The following RBFOX1 variants were observed in gnomAD, a reference collection of about 807,000 sequenced individuals.
RBFOX1 encodes RNA binding fox-1 homolog 1, also known as RNA binding protein fox-1 homolog 1.
In RBFOX1, 8 loss-of-function variants were observed where a neutral mutation model predicts 57.7. That is an observed-to-expected ratio of 0.14 (90% CI 0.08 to 0.25). The LOEUF (loss-of-function observed/expected upper bound fraction) is 0.25. RBFOX1 is among the 10% of genes least tolerant of loss of function. The pLI, the probability that RBFOX1 is intolerant of heterozygous loss-of-function variation, is 1.00. For missense variants in RBFOX1, 611 were observed against 548.5 expected (o/e 1.11, Z -1.14); for synonymous variants, 326 against 222.4 (o/e 1.47, Z -4.15).
intron 4 of RBFOX1, among the ~76,000 whole-genome samples, chr16:7,399,629 C>G (rs1307200354): frequency 1.3e-5 from 2 of 152,154 alleles, no homozygotes; most frequent in African/African-American, 2.4e-5. Context: ...CCATTTCTGC[C>G]TCCATCTTCA....
At chr16:7,487,192 G>C (rs891753931) in intron 4 of RBFOX1, among the ~76,000 whole-genome samples, 1 of 152,130 alleles carries the variant, frequency 6.6e-6, no homozygotes, top group African/African-American at 2.4e-5. Context: ...GAGCCACTGC[G>C]CCTTAACCAC....
chr16:6,493,458 C>T (rs1035713760), intron 2 of RBFOX1, among the ~76,000 whole-genome samples: 1 of 152,100 alleles, frequency 6.6e-6, no homozygotes, highest in Non-Finnish European at 1.5e-5. Flanking sequence ...TTGTCAGGGA[C>T]CGTAGGCTGC....
intron 4 of RBFOX1, among the ~76,000 whole-genome samples, chr16:7,427,840 G>C (rs943396890): frequency 6.6e-6 from 1 of 151,980 alleles, no homozygotes; most frequent in African/African-American, 2.4e-5. Context: ...TTTTAGTAGA[G>C]ATGGGGTTTG....
At chr16:5,612,154 C>T (rs1048308882) in intron 3 of RBFOX1, among the ~76,000 whole-genome samples, 1 of 151,614 alleles carries the variant, frequency 6.6e-6, no homozygotes, top group African/African-American at 2.4e-5. Flanking sequence ...CATACGTCTA[C>T]TCTCCCACCT....
At chr16:7,536,579 G>A (rs905245812) in intron 5 of RBFOX1, among the ~76,000 whole-genome samples, 2 of 152,208 alleles carry the variant, frequency 1.3e-5, no homozygotes, top group South Asian at 4.1e-4. Context: ...GGGCAACACA[G>A]TGAGACTTCG....
In RBFOX1 at chr16:7,203,408, A is replaced by G. The variant is rs377738522; in HGVS notation, c.27+151310A>G. 1.2e-4 allele frequency among the ~76,000 whole-genome samples: 19 copies of G among 152,322 alleles called. No individual in the cohort carries two copies. The South Asian group carries it at 3.9e-3, about 32-fold the overall frequency. ...TAGGGGAAAGGACAGTTATTGTTTA[A>G]TGGGTACACAGTTTCAGTATTACAA... On this transcript the variant is annotated intron_variant, in intron 4 of 15. Coordinates refer to ENST00000550418, the MANE Select transcript of RBFOX1 (RefSeq NM_018723.4).
At chr16:6,872,721 C>G (rs1396769602) in intron 3 of RBFOX1, among the ~76,000 whole-genome samples, 1 of 152,116 alleles carries the variant, frequency 6.6e-6, no homozygotes, top group African/African-American at 2.4e-5. Context: ...AGTTGTGTCT[C>G]AAAACCTGTG....
chr16:5,731,974 A>G (rs1409210725), intron 3 of RBFOX1, among the ~76,000 whole-genome samples: 2 of 152,216 alleles, frequency 1.3e-5, no homozygotes, highest in Non-Finnish European at 2.9e-5. Context: ...TAATGAATCT[A>G]GAATTCTCCA....
At chr16:6,324,648 A>G (rs2082170177) in intron 2 of RBFOX1, among the ~76,000 whole-genome samples, 1 of 152,188 alleles carries the variant, frequency 6.6e-6, no homozygotes, top group Admixed American at 6.5e-5. Flanking sequence ...AACTGCCCCC[A>G]TGATTTAATC....
intron 4 of RBFOX1, among the ~76,000 whole-genome samples, chr16:7,471,344 G>A (rs985872641): frequency 2.0e-5 from 3 of 152,016 alleles, no homozygotes; most frequent in African/African-American, 7.2e-5. Context: ...TTATTTGAAG[G>A]AAAACTGCTG....
chr16:5,283,210 A>G (rs1316513824), intron 1 of RBFOX1, among the ~76,000 whole-genome samples: 6 of 152,220 alleles, frequency 3.9e-5, no homozygotes, highest in Non-Finnish European at 5.9e-5. Context: ...ATGTATGGAA[A>G]TGCCTAGATG....
chr16:7,286,967 G>A (rs1603500149), intron 4 of RBFOX1, among the ~76,000 whole-genome samples: 1 of 152,224 alleles, frequency 6.6e-6, no homozygotes, highest in African/African-American at 2.4e-5. Context: ...GCTTAAATAG[G>A]TCAGGGTGAA....
chr16:7,046,610 T>C (rs2048047924), intron 3 of RBFOX1, among the ~76,000 whole-genome samples: 1 of 143,886 alleles, frequency 6.9e-6, no homozygotes, highest in Non-Finnish European at 1.5e-5. Context: ...TATCTTTTTT[T>C]TTTTTTTTTT....
intron 3 of RBFOX1, among the ~76,000 whole-genome samples, chr16:5,745,109 C>T (rs777810546): frequency 2.6e-5 from 4 of 152,152 alleles, no homozygotes; most frequent in Non-Finnish European, 4.4e-5. Flanking sequence ...CACCTCATGA[C>T]AGGCCCCGGT....
chr16:6,301,175 T>G (rs2078778412), intron 1 of RBFOX1, among the ~76,000 whole-genome samples: 1 of 152,226 alleles, frequency 6.6e-6, no homozygotes, highest in Non-Finnish European at 1.5e-5. Context: ...TTTAAATCTC[T>G]ACATATTTCA....
At chr16:5,834,389 A>G (rs2056382411) in intron 3 of RBFOX1, among the ~76,000 whole-genome samples, 1 of 152,196 alleles carries the variant, frequency 6.6e-6, no homozygotes, top group South Asian at 2.1e-4. Flanking sequence ...CACTTAGAAT[A>G]ATGGCCTCTA....
intron 3 of RBFOX1, among the ~76,000 whole-genome samples, chr16:6,966,322 A>G (rs2084147222): frequency 6.6e-6 from 1 of 152,114 alleles, no homozygotes; most frequent in Non-Finnish European, 1.5e-5. Flanking sequence ...GTGAAGGGAG[A>G]GCAAGTTTTG....
At chr16:7,318,010 G>A (rs969874385) in intron 4 of RBFOX1, among the ~76,000 whole-genome samples, 8 of 151,924 alleles carry the variant, frequency 5.3e-5, no homozygotes, top group Non-Finnish European at 8.8e-5. Context: ...GGTGGTGACG[G>A]TAGCGATGAT....
chr16:6,756,859 C>T (rs2154195511), intron 3 of RBFOX1, among the ~76,000 whole-genome samples: 1 of 152,164 alleles, frequency 6.6e-6, no homozygotes, highest in Non-Finnish European at 1.5e-5. Context: ...CCTGTAGTCA[C>T]AGCTCCTTGG....
Sources: allele counts gnomAD v4.1 joint callset (sites outside exome capture counted in the v4.1 genomes callset), GRCh38; gene constraint gnomAD v4.1.1; transcripts MANE v1.5; gene names NCBI Gene and HGNC (gene_info 2026-07-23, HGNC 2026-07-21).